Variants in IL1RL1 observed in about 807,000 individuals in gnomAD.
IL1RL1 encodes interleukin-1 receptor-like 1.
In IL1RL1, 32 loss-of-function variants were observed where a neutral mutation model predicts 50.9. The observed-to-expected ratio is 0.63, with a 90% CI of 0.47 to 0.84. The LOEUF (loss-of-function observed/expected upper bound fraction) is 0.84. Among genes scored for constraint, IL1RL1 ranks in the 40% least tolerant of loss-of-function variants. The pLI, the probability that IL1RL1 is intolerant of heterozygous loss-of-function variation, is 0.00. For missense variants in IL1RL1, 773 were observed against 662.9 expected, an observed-to-expected ratio of 1.17 and a Z score of -1.82; for synonymous variants, 275 against 236.0, an observed-to-expected ratio of 1.17 and a Z score of -1.51.
At chr2:102,343,534 G>A (rs1677663836) in intron 8 of IL1RL1, 119 bp downstream of exon 8, 1 of 1,586,314 alleles carries the variant, frequency 6.3e-7, no homozygotes, top group Non-Finnish European at 8.6e-7. Context: ...CATAAAATGT[G>A]CTTCTCTTCT....
Position 102,340,202 on chromosome 2 carries a change from A to G in IL1RL1, c.377A>G (p.Glu126Gly). 1 of 1,605,912 alleles carries G rather than the reference A, an allele frequency of 6.2e-7. No individual in the cohort carries two copies. The highest frequency in any genetic ancestry group is 8.5e-7 in the Non-Finnish European group (1 of 1,177,388). Residue 126 changes from glutamate to glycine, a missense_variant, in exon 4 of 11, where the codon GAA becomes GGA. By Grantham distance (98) the Glu-to-Gly change is moderately conservative (BLOSUM62 -2). Coordinates refer to ENST00000233954, the MANE Select transcript of IL1RL1 (RefSeq NM_016232.5). Reference sequence around the variant, plus strand: ...ATGTATTCAACAGTATCTGGATCAGAAAAAAATTCCAAAATTTATTGTCCT... The same window carrying G: ...ATGTATTCAACAGTATCTGGATCAGGAAAAAATTCCAAAATTTATTGTCCT... The part of the protein sequence containing the change: ...YLMYSTVSGS[E>G]KNSKIYCPTI...
chr2:102,319,533 CTG>C (rs1676777160), intron 1 of IL1RL1, among the ~76,000 whole-genome samples: 1 of 152,212 alleles, frequency 6.6e-6, no homozygotes, highest in African/African-American at 2.4e-5. Context: ...GATTTATGGG[CTG>C]TGTTTTTCAA....
chr2:102,340,325 A>T, intron 4 of IL1RL1, 53 bp downstream of exon 4: 6 of 1,465,114 alleles, frequency 4.1e-6, no homozygotes. Context: ...TAAAATAGAC[A>T]CAAGTGGCCG....
chr2:102,338,092 G>T (rs984306782), intron 1 of IL1RL1, 24 bp from the exon 2 acceptor site: 100 of 430,212 alleles, frequency 2.3e-4, no homozygotes, highest in Non-Finnish European at 2.1e-4. Flanking sequence ...TTCTGTTTAT[G>T]GTTTTGTCTA....
chr2:102,324,179 C>G (rs1676923779), intron 1 of IL1RL1, among the ~76,000 whole-genome samples: 1 of 152,050 alleles, frequency 6.6e-6, no homozygotes, highest in African/African-American at 2.4e-5. Flanking sequence ...TTTTATTTCT[C>G]TTAGGTAAAT....
intron 8 of IL1RL1, chr2:102,345,307 C>G (rs1677741880): frequency 1.0e-6 from 1 of 985,420 alleles, no homozygotes. Context: ...CTCCTGAGCA[C>G]TTGCCAGTTT....
At position 102,338,231 on chromosome 2, in the gene IL1RL1, A is replaced by G. The variant is rs1218763403; in HGVS notation, c.-34A>G. The G allele has an allele frequency of 3.4e-6, 5 of 1,488,096 alleles. No individual in the cohort carries two copies. In the East Asian group the frequency reaches 6.8e-5, roughly 20 times the overall value. 92.2% of individuals were successfully genotyped at this position (1,488,096 alleles called of 1,614,324 possible). On this transcript the variant is annotated 5_prime_UTR_variant, in exon 2 of 11. Coordinates refer to ENST00000233954, the MANE Select transcript of IL1RL1 (RefSeq NM_016232.5). ...CTCATCTGGAGTAATCTCAACAACG[A>G]GTTACCAATACTTGCTCTTGATTGA...
At chr2:102,340,919 C>T in intron 5 of IL1RL1, 91 bp downstream of exon 5, 2 of 950,342 alleles carry the variant, frequency 2.1e-6, no homozygotes, top group Non-Finnish European at 3.1e-6. Context: ...TCTTGCACTT[C>T]TCCCTCCTCC....
intron 1 of IL1RL1, among the ~76,000 whole-genome samples, chr2:102,311,859 T>TTATATAATATATAATATATAATATAA (rs1441868918): frequency 2.2e-5 from 1 of 45,544 alleles, no homozygotes; most frequent in Non-Finnish European, 4.4e-5. Flanking sequence ...TATAATATAA[T>TTATATAATATATAATATATAATATAA]TATATAATAT....
rs1302404820 is a variant in IL1RL1, at chr2:102,312,006, T to G, written c.-150+383T>G. Among the ~76,000 whole-genome samples, 6 of 22,070 alleles carry G rather than the reference T, an allele frequency of 2.7e-4. No individual in the cohort carries two copies. In the East Asian group the frequency reaches 4.6e-3, roughly 17 times the overall value. 14.5% of individuals were successfully genotyped at this position (22,070 alleles called of 152,430 possible). On this transcript the variant is annotated intron_variant, in intron 1 of 10. Coordinates refer to ENST00000233954, the MANE Select transcript of IL1RL1 (RefSeq NM_016232.5). ...ATATATATTATATATAATATATTTA[T>G]ATATATTATATATAATATATATTAT...
At chr2:102,314,901 G>A (rs1171084784) in intron 1 of IL1RL1, among the ~76,000 whole-genome samples, 1 of 152,174 alleles carries the variant, frequency 6.6e-6, no homozygotes, top group African/African-American at 2.4e-5. Flanking sequence ...GTTGTAGTGA[G>A]CTAACTTGCA....
chr2:102,348,866 T>TA (rs1208039541), intron 9 of IL1RL1, among the ~76,000 whole-genome samples: 1 of 152,168 alleles, frequency 6.6e-6, no homozygotes, highest in Non-Finnish European at 1.5e-5. Flanking sequence ...TCTGTGACAG[T>TA]AAAAAGGAGA....
At chr2:102,340,399 G>A in intron 4 of IL1RL1, 127 bp downstream of exon 4, 2 of 799,672 alleles carry the variant, frequency 2.5e-6, no homozygotes, top group Non-Finnish European at 3.9e-6. Flanking sequence ...GATCACTTGA[G>A]GCCAGGAGTT....
chr2:102,319,275 C>T (rs1573129432), intron 1 of IL1RL1, among the ~76,000 whole-genome samples: 1 of 152,070 alleles, frequency 6.6e-6, no homozygotes, highest in Admixed American at 6.5e-5. Context: ...AAATATATCT[C>T]CCTCCCCTTT....
chr2:102,340,635 A>G, intron 4 of IL1RL1, 31 bp from the exon 5 acceptor site: 1 of 1,575,120 alleles, frequency 6.3e-7, no homozygotes, highest in Non-Finnish European at 8.6e-7. Flanking sequence ...GTGAAGAATT[A>G]CTGAGAAGGA....
rs1489781550 is a variant in IL1RL1, at chr2:102,338,230, G to A, written c.-35G>A. 4.1e-6 allele frequency: 6 copies of A among 1,478,002 alleles called. No individual in the cohort carries two copies. Among genetic ancestry groups the A allele is most frequent in the South Asian group, 3.5e-5 (3 of 86,534 alleles). The allele number at this position is 1,478,002 out of a possible 1,614,324, so 91.6% of individuals were successfully genotyped here. A position where few individuals can be genotyped will look rare whatever the true frequency, so the allele number is the denominator to read the frequency against. ...ACTCATCTGGAGTAATCTCAACAAC[G>A]AGTTACCAATACTTGCTCTTGATTG... On this transcript the variant is annotated 5_prime_UTR_variant, in exon 2 of 11. Coordinates refer to ENST00000233954, the MANE Select transcript of IL1RL1 (RefSeq NM_016232.5).
rs201643540 is a variant in IL1RL1, at chr2:102,351,335, GGCTGATAT to G, written c.1286-200_1286-193del. Among the ~76,000 whole-genome samples the G allele has an allele frequency of 8.4e-4, 128 of 152,194 alleles. 1 individual carries two copies. The East Asian group carries it at 0.023, about 27-fold the overall frequency. On this transcript the variant is annotated intron_variant, in intron 10 of 10. Transcript: ENST00000233954. ...CTGGGAAATAAAAAGAGGACATTGG[GGCTGATAT>G]TCTCACAAATGAAAGGAACACAAAG...
chr2:102,340,249 A>G lies in IL1RL1; in HGVS notation c.424A>G (p.Thr142Ala), dbSNP rs745755342. ...YCPTIDLYNW[T>A]APLEWFKNCQ... Reference sequence around the variant, plus strand: ...TCCTACCATTGACCTCTACAACTGGACAGCACCTCTTGAGTGGTTTAAGGT... The same window carrying G: ...TCCTACCATTGACCTCTACAACTGGGCAGCACCTCTTGAGTGGTTTAAGGT... Residue 142 changes from threonine to alanine, a missense_variant, in exon 4 of 11, where the codon ACA becomes GCA. Physicochemically the swap from Thr to Ala is moderately conservative, Grantham distance 58 (BLOSUM62 0). Transcript: ENST00000233954. 6 of 1,599,822 alleles carry G rather than the reference A, an allele frequency of 3.8e-6. No individual in the cohort carries two copies. In the East Asian group the frequency reaches 1.1e-4, roughly 30 times the overall value.
At position 102,351,777 on chromosome 2, in the gene IL1RL1, C is replaced by G; in HGVS notation, c.1527C>G (p.Thr509=). 6.2e-7 allele frequency: 1 copy of G among 1,614,024 alleles called. No homozygotes were observed. Among genetic ancestry groups the G allele is most frequent in the South Asian group, 1.1e-5 (1 of 91,078 alleles). The change falls in exon 11 of 11, where the codon ACC becomes ACG. Residue 509 remains threonine (T), a synonymous_variant. Coordinates refer to ENST00000233954, the MANE Select transcript of IL1RL1 (RefSeq NM_016232.5). ...SLQHLMKVQG[T]IKWREDHIAN... is the part of the protein sequence containing the mutation. ...AGCATCTTATGAAAGTACAGGGGAC[C>G]ATCAAGTGGAGGGAGGACCACATTG...
Sources: allele counts gnomAD v4.1 joint callset (sites outside exome capture counted in the v4.1 genomes callset), GRCh38; gene constraint gnomAD v4.1.1; transcripts MANE v1.5; gene names NCBI Gene and HGNC (gene_info 2026-07-23, HGNC 2026-07-21).